Variants in EPHB1 observed in about 807,000 individuals in gnomAD.
EPHB1 encodes the protein ephrin type-B receptor 1.
Under a neutral mutation model 94.4 loss-of-function variants are expected in EPHB1, and 30 were observed. That is an observed-to-expected ratio of 0.32 (90% CI 0.24 to 0.43). EPHB1 has a LOEUF of 0.43. EPHB1 is among the 20% of genes least tolerant of loss of function. The pLI, the probability that EPHB1 is intolerant of heterozygous loss-of-function variation, is 1.00. For missense variants in EPHB1, 1,055 were observed against 1,308.3 expected, an observed-to-expected ratio of 0.81 and a Z score of 2.99; for synonymous variants, 522 against 489.1, an observed-to-expected ratio of 1.07 and a Z score of -0.89.
intron 3 of EPHB1, among the ~76,000 whole-genome samples, chr3:135,047,153 C>T (rs752215128): frequency 5.3e-4 from 80 of 152,052 alleles, no homozygotes; most frequent in Non-Finnish European, 9.4e-4. Flanking sequence ...TGAGGGACAG[C>T]GCACAACAGT....
intron 2 of EPHB1, among the ~76,000 whole-genome samples, chr3:134,927,398 A>G (rs2038815818): frequency 6.6e-6 from 1 of 152,358 alleles, no homozygotes; most frequent in South Asian, 2.1e-4. Context: ...AGCAGGGAGC[A>G]GGGACAGGGG....
intron 12 of EPHB1, among the ~76,000 whole-genome samples, chr3:135,213,931 G>A (rs1371920436): frequency 6.6e-6 from 1 of 152,100 alleles, no homozygotes; most frequent in Non-Finnish European, 1.5e-5. Flanking sequence ...AGGCCTCCCT[G>A]TATTATCATG....
At chr3:134,845,135 G>A (rs2036848681) in intron 1 of EPHB1, among the ~76,000 whole-genome samples, 1 of 152,188 alleles carries the variant, frequency 6.6e-6, no homozygotes. Flanking sequence ...CTGGCTTTGG[G>A]TCAGTAGAAT....
At chr3:134,999,462 C>T (rs546987680) in intron 3 of EPHB1, among the ~76,000 whole-genome samples, 1 of 152,282 alleles carries the variant, frequency 6.6e-6, no homozygotes, top group South Asian at 2.1e-4. Context: ...ACAAGGGCTG[C>T]TTCTTACCAG....
At chr3:135,002,361 T>C (rs1340009909) in intron 3 of EPHB1, among the ~76,000 whole-genome samples, 1 of 152,246 alleles carries the variant, frequency 6.6e-6, no homozygotes, top group Non-Finnish European at 1.5e-5. Context: ...CAGTATTTTA[T>C]TGAGGATTTT....
At chr3:134,845,107 G>T (rs1490075458) in intron 1 of EPHB1, among the ~76,000 whole-genome samples, 1 of 152,242 alleles carries the variant, frequency 6.6e-6, no homozygotes, top group African/African-American at 2.4e-5. Context: ...GATACTGGAT[G>T]TGGAGTATTC....
intron 4 of EPHB1, among the ~76,000 whole-genome samples, chr3:135,132,316 C>A (rs963249649): frequency 7.1e-6 from 1 of 140,586 alleles, no homozygotes; most frequent in African/African-American, 3.2e-5. Flanking sequence ...TATCCTTCTA[C>A]CCTTGAGTTC....
At chr3:135,059,522 A>G (rs991425446) in intron 3 of EPHB1, among the ~76,000 whole-genome samples, 1 of 152,136 alleles carries the variant, frequency 6.6e-6, no homozygotes, top group Non-Finnish European at 1.5e-5. Context: ...GAATGATTAC[A>G]TGGAGAGTGG....
chr3:135,228,127 T>C (rs183731087), intron 12 of EPHB1, among the ~76,000 whole-genome samples: 48 of 152,270 alleles, frequency 3.2e-4, no homozygotes, highest in Middle Eastern at 6.8e-3. Flanking sequence ...TTTTTTAGCC[T>C]TTTTTTCGCT....
At chr3:135,250,323 C>A (rs958334047) in intron 15 of EPHB1, among the ~76,000 whole-genome samples, 2 of 152,038 alleles carry the variant, frequency 1.3e-5, no homozygotes, top group Non-Finnish European at 2.9e-5. Context: ...CTGGTTCCAC[C>A]CCTTCCATTC....
intron 9 of EPHB1, among the ~76,000 whole-genome samples, chr3:135,168,262 G>A (rs1004990734): frequency 1.3e-5 from 2 of 152,214 alleles, no homozygotes; most frequent in East Asian, 1.9e-4. Flanking sequence ...GCACTGGCTC[G>A]AGCACTGCTG....
chr3:135,198,341 T>A (rs1409157512), intron 11 of EPHB1, among the ~76,000 whole-genome samples: 2 of 152,220 alleles, frequency 1.3e-5, no homozygotes, highest in African/African-American at 4.8e-5. Flanking sequence ...GAAAACAATA[T>A]AATATTGCCT....
At chr3:135,079,625 C>T (rs573424264) in intron 3 of EPHB1, among the ~76,000 whole-genome samples, 3 of 152,158 alleles carry the variant, frequency 2.0e-5, no homozygotes, top group Non-Finnish European at 4.4e-5. Flanking sequence ...TCCTGAGCTC[C>T]CTCGTGGCAG....
intron 1 of EPHB1, among the ~76,000 whole-genome samples, chr3:134,834,804 A>T (rs909868945): frequency 6.6e-6 from 1 of 152,176 alleles, no homozygotes; most frequent in Non-Finnish European, 1.5e-5. Flanking sequence ...TAATAGACAT[A>T]ATCTCCACCA....
At chr3:135,183,242 CCCTTTCTTCCTT>C (rs1238361435) in intron 10 of EPHB1, among the ~76,000 whole-genome samples, 1 of 100,456 alleles carries the variant, frequency 1.0e-5, no homozygotes, top group Admixed American at 1.0e-4. Context: ...CTCCCTCCCT[CCCTTTCTTCCTT>C]CCTTCCTTCC....
At chr3:134,884,463 T>C (rs1176897251) in intron 1 of EPHB1, among the ~76,000 whole-genome samples, 1 of 152,224 alleles carries the variant, frequency 6.6e-6, no homozygotes, top group Non-Finnish European at 1.5e-5. Flanking sequence ...GCTGCTCAGA[T>C]GCCATTCCTG....
In EPHB1 at chr3:134,925,893, C is replaced by T; in HGVS notation, c.123+13C>T. 1 of 1,593,050 alleles carries T rather than the reference C, an allele frequency of 6.3e-7. No homozygotes were observed. The highest frequency in any genetic ancestry group is 8.6e-7 in the Non-Finnish European group (1 of 1,168,974). ...TCCTGCGTCCGGGGTGAGTATCAAA[C>T]CATTCGTCTTTCAGTCCTGCTATGA... On this transcript the variant is annotated intron_variant, in intron 2 of 15. Transcript: ENST00000398015.
chr3:135,229,945 T>A (rs1943492778), intron 12 of EPHB1, among the ~76,000 whole-genome samples: 1 of 152,116 alleles, frequency 6.6e-6, no homozygotes, highest in African/African-American at 2.4e-5. Context: ...CATCATGGCC[T>A]ACTGATGGAT....
chr3:134,895,313 T>G lies in EPHB1; in HGVS notation c.59-30503T>G, dbSNP rs1051097387. On this transcript the variant is annotated intron_variant, in intron 1 of 15. Coordinates refer to ENST00000398015, the MANE Select transcript of EPHB1 (RefSeq NM_004441.5). ...CTTTATTTGCTGGCTCACCAGATAA[T>G]CTGTGAGTGTAACATTTTTCCCAGT... Among the ~76,000 whole-genome samples, 4 of 152,166 alleles carry G rather than the reference T, an allele frequency of 2.6e-5. 1 individual carries two copies. In the South Asian group the frequency reaches 8.3e-4, roughly 32 times the overall value.
Sources: gnomAD v4.1 joint callset for allele counts (sites outside exome capture counted in the v4.1 genomes callset) on GRCh38, gnomAD v4.1.1 for gene constraint, MANE v1.5 for transcripts, NCBI Gene and HGNC (gene_info 2026-07-23, HGNC 2026-07-21) for gene names.